The following MYO1E variants were observed in gnomAD, a reference collection of about 807,000 sequenced individuals.
The protein encoded by MYO1E is myosin IE.
Under a neutral mutation model 151.1 loss-of-function variants are expected in MYO1E, and 68 were observed. That is an observed-to-expected ratio of 0.45 (90% CI 0.37 to 0.55). The LOEUF is 0.55. Among genes scored for constraint, MYO1E ranks in the 20% least tolerant of loss-of-function variants. The pLI is 0.00. For synonymous variants in MYO1E, 601 were observed against 501.7 expected (o/e 1.20, Z -2.64); for missense variants, 1,363 against 1,389.3 (o/e 0.98, Z 0.30).
At chr15:59,220,257 T>C (rs1255694932) in intron 9 of MYO1E, among the ~76,000 whole-genome samples, 1 of 152,178 alleles carries the variant, frequency 6.6e-6, no homozygotes, top group Non-Finnish European at 1.5e-5. Context: ...GAGACTAGCC[T>C]GGTCAACGTG....
chr15:59,236,738 C>T lies in MYO1E; in HGVS notation c.333-66G>A, dbSNP rs2080069132. The T allele has an allele frequency of 3.0e-6, 4 of 1,338,304 alleles. No homozygotes were observed. The South Asian group carries it at 3.5e-5, about 12-fold the overall frequency. 82.9% of individuals were successfully genotyped at this position (1,338,304 alleles called of 1,614,324 possible). On this transcript the variant is annotated intron_variant, in intron 4 of 27. Transcript: ENST00000288235. ...TGCGACCAGCTCCCTTCCTTGTCTC[C>T]CCCATCACACAAAACAAACAAACAA...
At chr15:59,360,639 C>CT (rs1161686644) in intron 1 of MYO1E, among the ~76,000 whole-genome samples, 1 of 152,056 alleles carries the variant, frequency 6.6e-6, no homozygotes, top group African/African-American at 2.4e-5. Flanking sequence ...TGTTTTTGCC[C>CT]TTTTTTTCCC....
intron 1 of MYO1E, among the ~76,000 whole-genome samples, chr15:59,347,622 C>G (rs1401079940): frequency 7.2e-5 from 11 of 151,966 alleles, no homozygotes; most frequent in Admixed American, 6.6e-5. Flanking sequence ...GTGGTACTAG[C>G]AACTGGTTTA....
At chr15:59,354,356 T>C (rs1274108999) in intron 1 of MYO1E, among the ~76,000 whole-genome samples, 1 of 152,178 alleles carries the variant, frequency 6.6e-6, no homozygotes, top group East Asian at 1.9e-4. Flanking sequence ...AGACACAACC[T>C]TGGTCAGGAA....
intron 9 of MYO1E, 87 bp from the exon 10 acceptor site, chr15:59,218,174 C>T: frequency 6.8e-7 from 1 of 1,476,574 alleles, no homozygotes; most frequent in Non-Finnish European, 9.4e-7. Flanking sequence ...CACTTATGTG[C>T]ACATGCACGT....
At chr15:59,372,393 C>T (rs2140448844) in intron 1 of MYO1E, 105 bp downstream of exon 1, 4 of 1,401,640 alleles carry the variant, frequency 2.9e-6, no homozygotes, top group East Asian at 2.5e-5. Flanking sequence ...CGTCCACCTT[C>T]TCCACCCCTG....
intron 16 of MYO1E, 144 bp downstream of exon 16, chr15:59,202,182 A>G (rs1596362681): frequency 2.8e-6 from 2 of 711,298 alleles, no homozygotes; most frequent in East Asian, 5.4e-5. Flanking sequence ...ACCTTGTAAC[A>G]AGCAGCGATG....
intron 2 of MYO1E, among the ~76,000 whole-genome samples, chr15:59,271,957 G>C (rs2080291326): frequency 6.6e-6 from 1 of 152,222 alleles, no homozygotes; most frequent in Non-Finnish European, 1.5e-5. Context: ...AATGCCAGGA[G>C]AATAACCGGG....
chr15:59,324,366 C>T (rs757613021), intron 1 of MYO1E, among the ~76,000 whole-genome samples: 16 of 152,206 alleles, frequency 1.1e-4, no homozygotes, highest in Non-Finnish European at 1.8e-4. Flanking sequence ...GGCCACCCCT[C>T]GCCTATGAGC....
At position 59,146,567 on chromosome 15, in the gene MYO1E, G is replaced by A. The variant is rs572792481; in HGVS notation, c.3080+7023C>T. ...TGATCTCAAGTGATCCTCCTGCCTCGGCCTCCAGAACTGCTGGGATTAACG... is the reference window on the plus strand; with the variant it reads ...TGATCTCAAGTGATCCTCCTGCCTCAGCCTCCAGAACTGCTGGGATTAACG... On this transcript the variant is annotated intron_variant, in intron 26 of 27. Coordinates refer to ENST00000288235, the MANE Select transcript of MYO1E (RefSeq NM_004998.4). Among the ~76,000 whole-genome samples the A allele has an allele frequency of 6.6e-5, 10 of 152,046 alleles. No individual in the cohort carries two copies. The East Asian group carries it at 1.4e-3, about 21-fold the overall frequency.
intron 26 of MYO1E, among the ~76,000 whole-genome samples, chr15:59,143,485 A>G (rs1358781793): frequency 6.6e-6 from 1 of 152,194 alleles, no homozygotes; most frequent in African/African-American, 2.4e-5. Flanking sequence ...GCATATTCCC[A>G]AAGCGAGCCA....
chr15:59,278,423 A>C, intron 1 of MYO1E, among the ~76,000 whole-genome samples: 1 of 152,152 alleles, frequency 6.6e-6, no homozygotes, highest in Middle Eastern at 3.2e-3. Flanking sequence ...ACCTATTTTA[A>C]TTTTAAGACA....
In MYO1E at chr15:59,136,547, T is replaced by C. The variant is rs1304366267; in HGVS notation, c.*833A>G. 3 of 328,096 alleles carry C rather than the reference T, an allele frequency of 9.1e-6. No individual in the cohort carries two copies. The highest frequency in any genetic ancestry group is 4.3e-5 in the African/African-American group (2 of 46,516). 20.3% of individuals were successfully genotyped at this position (328,096 alleles called of 1,614,324 possible). A position where few individuals can be genotyped will look rare whatever the true frequency, so the allele number is the denominator to read the frequency against. Reference sequence around the variant, plus strand: ...GAGTTTTGTAAGAAAACCTACCTTATGAATGAGTACAGTGGAATACTACTT... The same window carrying C: ...GAGTTTTGTAAGAAAACCTACCTTACGAATGAGTACAGTGGAATACTACTT... On this transcript the variant is annotated 3_prime_UTR_variant, in exon 28 of 28. Coordinates refer to ENST00000288235, the MANE Select transcript of MYO1E (RefSeq NM_004998.4).
intron 26 of MYO1E, among the ~76,000 whole-genome samples, chr15:59,143,356 T>G (rs1458573959): frequency 2.0e-5 from 3 of 151,906 alleles, no homozygotes; most frequent in African/African-American, 7.3e-5. Flanking sequence ...AGTGGGCAGG[T>G]GGGTGGAGGA....
rs1032989382 is a variant in MYO1E, at chr15:59,359,842, C to T, written c.3+12656G>A. ...TCCCCTCAGTGGCTGGAGATGCCTA[C>T]AGCGTTCTATAAAACAAAGCCACTC... On this transcript the variant is annotated intron_variant, in intron 1 of 27. Transcript: ENST00000288235. The T allele has an allele frequency of 2.2e-4, 34 of 152,142 alleles. 1 individual carries two copies. The highest frequency in any genetic ancestry group is 7.0e-4 in the African/African-American group (29 of 41,420). The allele number at this position is 152,142 out of a possible 1,614,324, so 9.4% of individuals were successfully genotyped here. A position where few individuals can be genotyped will look rare whatever the true frequency, so the allele number is the denominator to read the frequency against.
At chr15:59,288,555 G>C (rs1470416780) in intron 1 of MYO1E, among the ~76,000 whole-genome samples, 1 of 152,172 alleles carries the variant, frequency 6.6e-6, no homozygotes, top group East Asian at 1.9e-4. Flanking sequence ...TACCAGATGA[G>C]TAAAGTTTTG....
At chr15:59,243,643 C>G (rs1316101256) in intron 4 of MYO1E, among the ~76,000 whole-genome samples, 1 of 152,076 alleles carries the variant, frequency 6.6e-6, no homozygotes, top group Non-Finnish European at 1.5e-5. Flanking sequence ...CAAGGTTTCA[C>G]AAAGGAACCC....
In MYO1E at chr15:59,133,610, A is replaced by C. The variant is rs2079356242; in HGVS notation, c.*3770T>G. On this transcript the variant is annotated 3_prime_UTR_variant, in exon 28 of 28. Coordinates refer to ENST00000288235, the MANE Select transcript of MYO1E (RefSeq NM_004998.4). ...AATCAATCAGCTAGGCCTTGGGAGAAAAGCAAAACAGGGAAAGAGGGCAGA... is the reference window on the plus strand; with the variant it reads ...AATCAATCAGCTAGGCCTTGGGAGACAAGCAAAACAGGGAAAGAGGGCAGA... The C allele has an allele frequency of 6.6e-6, 1 of 152,188 alleles. No homozygotes were observed. The highest frequency in any genetic ancestry group is 2.4e-5 in the African/African-American group (1 of 41,446). The allele number at this position is 152,188 out of a possible 1,614,324, so 9.4% of individuals were successfully genotyped here.
chr15:59,207,092 C>G, intron 14 of MYO1E: 1 of 1,614,196 alleles, frequency 6.2e-7, no homozygotes, highest in Non-Finnish European at 8.5e-7. Context: ...AGCAAGATGG[C>G]GACTGTGAAG....
Sources: allele counts gnomAD v4.1 joint callset (sites outside exome capture counted in the v4.1 genomes callset), GRCh38; gene constraint gnomAD v4.1.1; transcripts MANE v1.5; gene names NCBI Gene and HGNC (gene_info 2026-07-23, HGNC 2026-07-21).